IL6R: variants seen among roughly 807,000 people sequenced by gnomAD.
IL6R encodes the protein interleukin 6 receptor.
IL6R carries 38 observed loss-of-function variants against 48.3 expected under a neutral mutation model. That is an observed-to-expected ratio of 0.79 (90% CI 0.61 to 1.03). The LOEUF is 1.03. IL6R is among the 50% of genes least tolerant of loss of function. The pLI is 0.00. For missense variants in IL6R, 534 were observed against 618.3 expected, an observed-to-expected ratio of 0.86 and a Z score of 1.45; for synonymous variants, 264 against 256.2, an observed-to-expected ratio of 1.03 and a Z score of -0.29.
At chr1:154,437,790 T>A (rs1689717442) in intron 6 of IL6R, among the ~76,000 whole-genome samples, 1 of 151,358 alleles carries the variant, frequency 6.6e-6, no homozygotes, top group Admixed American at 6.6e-5. Flanking sequence ...ATTGGCTCAC[T>A]GCAAGCTCTG....
intron 3 of IL6R, 51 bp downstream of exon 3, chr1:154,430,657 G>GC (rs760490017): frequency 3.1e-6 from 5 of 1,612,010 alleles, no homozygotes; most frequent in South Asian, 2.2e-5. Context: ...CCTTCCCGAG[G>GC]CCCCCCAGAG....
At chr1:154,435,881 G>C in intron 5 of IL6R, 88 bp from the exon 6 acceptor site, 3 of 1,185,802 alleles carry the variant, frequency 2.5e-6, no homozygotes, top group Non-Finnish European at 2.3e-6. Flanking sequence ...TGAAGCACAG[G>C]GCTGGCCAAG....
chr1:154,455,538 C>T (rs1230297507), intron 9 of IL6R, among the ~76,000 whole-genome samples: 1 of 150,376 alleles, frequency 6.6e-6, no homozygotes, highest in African/African-American at 2.4e-5. Flanking sequence ...ACTGCAACCC[C>T]ACCTTCTGGG....
At chr1:154,462,166 T>C (rs35938325) in intron 9 of IL6R, among the ~76,000 whole-genome samples, 6,298 of 152,244 alleles carry the variant, frequency 0.041, 325 homozygotes, top group African/African-American at 0.12. Flanking sequence ...TTGTCAACCC[T>C]GTGGAGATGG....
At chr1:154,407,823 A>T (rs748713577) in intron 1 of IL6R, among the ~76,000 whole-genome samples, 1 of 152,192 alleles carries the variant, frequency 6.6e-6, no homozygotes, top group Non-Finnish European at 1.5e-5. Flanking sequence ...GCTGGGACTT[A>T]GGCTTCTGCC....
Position 154,455,286 on chromosome 1 carries a change from G to A in IL6R, c.1160+705G>A, listed in dbSNP as rs116282267. 7.3e-3 allele frequency among the ~76,000 whole-genome samples: 1,109 copies of A among 152,124 alleles called. 14 individuals carry two copies. The highest frequency in any genetic ancestry group is 0.022 in the African/African-American group (919 of 41,480). ...TGTGCATGCACGTGTCTGTGAAGGG[G>A]GCGCAGCACGGTTGGGGCAATATGG... On this transcript the variant is annotated intron_variant, in intron 9 of 9. Transcript: ENST00000368485.
At position 154,467,128 on chromosome 1, in the gene IL6R, TAAAAAAATCCCATTTA is replaced by T. The variant is rs1437103696; in HGVS notation, c.*1760_*1775del. 1.3e-5 allele frequency: 2 copies of T among 152,208 alleles called. No individual in the cohort carries two copies. The highest frequency in any genetic ancestry group is 3.4e-3 in the Middle Eastern group (1 of 294). 9.4% of individuals were successfully genotyped at this position (152,208 alleles called of 1,614,324 possible). On this transcript the variant is annotated 3_prime_UTR_variant, in exon 10 of 10. Transcript: ENST00000368485. ...GAGCTTTCTGCTATCAAAGAGGTTT[TAAAAAAATCCCATTTA>T]AAAAAAATCCCTTACCTCGGTGCCT...
chr1:154,442,611 C>A (rs1690002122), intron 6 of IL6R, among the ~76,000 whole-genome samples: 1 of 152,188 alleles, frequency 6.6e-6, no homozygotes, highest in Non-Finnish European at 1.5e-5. Context: ...CCAGGATAGC[C>A]TTTTGTATGA....
At chr1:154,448,011 T>C in intron 6 of IL6R, 114 bp from the exon 7 acceptor site, 1 of 848,420 alleles carries the variant, frequency 1.2e-6, no homozygotes, top group Admixed American at 1.9e-5. Flanking sequence ...GCCCAGCCCA[T>C]GCTGTTCTTT....
chr1:154,450,104 C>CTGTGTGTATGTGTGTGTG (rs1553310147), intron 8 of IL6R, 124 bp downstream of exon 8: 29 of 480,838 alleles, frequency 6.0e-5, no homozygotes, highest in African/African-American at 5.8e-4. Flanking sequence ...CAGAAATGTT[C>CTGTGTGTATGTGTGTGTG]TGTGTGTGTG....
At chr1:154,416,401 T>G (rs1278519479) in intron 1 of IL6R, among the ~76,000 whole-genome samples, 1 of 151,548 alleles carries the variant, frequency 6.6e-6, no homozygotes, top group African/African-American at 2.4e-5. Context: ...CGCCTCAGCC[T>G]CCCAAAGTGT....
At chr1:154,425,110 G>A (rs1031069631) in intron 1 of IL6R, among the ~76,000 whole-genome samples, 2 of 152,152 alleles carry the variant, frequency 1.3e-5, no homozygotes, top group East Asian at 1.9e-4. Context: ...TTAGGTCAGG[G>A]GTTGATCTTT....
chr1:154,452,112 G>A (rs1244870275), intron 8 of IL6R, among the ~76,000 whole-genome samples: 1 of 152,090 alleles, frequency 6.6e-6, no homozygotes, highest in Non-Finnish European at 1.5e-5. Flanking sequence ...TCATCCAGCA[G>A]GGCTTCCTGG....
At chr1:154,464,426 A>G (rs964785855) in intron 9 of IL6R, among the ~76,000 whole-genome samples, 42 of 152,030 alleles carry the variant, frequency 2.8e-4, no homozygotes, top group African/African-American at 9.4e-4. Flanking sequence ...ATGTGTGGGG[A>G]TTACAGGCGT....
chr1:154,435,586 G>A (rs1013636061), intron 5 of IL6R, among the ~76,000 whole-genome samples: 8 of 151,936 alleles, frequency 5.3e-5, no homozygotes, highest in Non-Finnish European at 8.8e-5. Flanking sequence ...GGCTACCTTC[G>A]TTGCTTTGGA....
intron 9 of IL6R, 99 bp downstream of exon 9, chr1:154,454,680 T>C (rs1690775749): frequency 1.2e-6 from 1 of 821,228 alleles, no homozygotes; most frequent in Admixed American, 2.0e-5. Context: ...TATTCATTCA[T>C]TTATCCATTC....
At chr1:154,430,750 G>A in intron 3 of IL6R, 144 bp downstream of exon 3, 1 of 1,135,722 alleles carries the variant, frequency 8.8e-7, no homozygotes, top group Non-Finnish European at 1.3e-6. Flanking sequence ...AGAGGGAACT[G>A]AGATTTACAT....
At chr1:154,420,823 A>T (rs1312070713) in intron 1 of IL6R, among the ~76,000 whole-genome samples, 1 of 152,160 alleles carries the variant, frequency 6.6e-6, no homozygotes. Context: ...GGCGTGAGCC[A>T]CTGCACCCTA....
At chr1:154,453,798 G>T (rs1045128280) in intron 8 of IL6R, among the ~76,000 whole-genome samples, 1 of 152,134 alleles carries the variant, frequency 6.6e-6, no homozygotes, top group Non-Finnish European at 1.5e-5. Flanking sequence ...CAAAGGAAAT[G>T]ACATCACCTC....
Sources: allele counts gnomAD v4.1 joint callset (sites outside exome capture counted in the v4.1 genomes callset), GRCh38; gene constraint gnomAD v4.1.1; transcripts MANE v1.5; gene names NCBI Gene and HGNC (gene_info 2026-07-23, HGNC 2026-07-21).